The following UCK2 variants were observed in gnomAD, a reference collection of about 807,000 sequenced individuals.
UCK2 encodes the protein cytidine monophosphokinase 2.
In UCK2, 6 loss-of-function variants were observed where a neutral mutation model predicts 30.8. That is an observed-to-expected ratio of 0.19 (90% CI 0.11 to 0.38). The LOEUF (loss-of-function observed/expected upper bound fraction) is 0.38. Ranked by LOEUF, UCK2 falls within the 10% of genes least tolerant of loss-of-function variation. The probability of loss-of-function intolerance (pLI) is 1.00; values close to 1 mark genes in which losing one functional copy is unlikely to be tolerated. For missense variants in UCK2, 210 were observed against 339.8 expected (o/e 0.62, Z 3.00); for synonymous variants, 125 against 133.6 (o/e 0.94, Z 0.45).
At chr1:165,891,572 G>T in intron 3 of UCK2, 1 of 442,544 alleles carries the variant, frequency 2.3e-6, no homozygotes, top group Admixed American at 3.8e-5. Flanking sequence ...CTGAAGGATG[G>T]GATAGTGATT....
chr1:165,867,229 G>T (rs1340536382), intron 1 of UCK2, among the ~76,000 whole-genome samples: 3 of 152,226 alleles, frequency 2.0e-5, no homozygotes, highest in Non-Finnish European at 4.4e-5. Context: ...CCTTCAGCAA[G>T]TTGTAATCTT....
At chr1:165,858,830 A>C (rs376851549) in intron 1 of UCK2, among the ~76,000 whole-genome samples, 6 of 152,174 alleles carry the variant, frequency 3.9e-5, no homozygotes, top group African/African-American at 1.4e-4. Context: ...GTGACAGGGA[A>C]GCCAGGCATT....
intron 1 of UCK2, among the ~76,000 whole-genome samples, chr1:165,840,164 C>T (rs116031251): frequency 9.2e-5 from 14 of 152,378 alleles, no homozygotes; most frequent in African/African-American, 2.4e-4. Context: ...AGTTATCCCC[C>T]GGCATTGGCC....
intron 1 of UCK2, among the ~76,000 whole-genome samples, chr1:165,844,991 G>A (rs1010083180): frequency 6.6e-6 from 1 of 152,120 alleles, no homozygotes; most frequent in Non-Finnish European, 1.5e-5. Flanking sequence ...TTTGAGCTCA[G>A]TGAGCCAAGC....
chr1:165,895,784 A>G (rs528025579), intron 3 of UCK2: 23 of 426,886 alleles, frequency 5.4e-5, no homozygotes, highest in African/African-American at 4.9e-4. Context: ...TTCTGTTTTT[A>G]AAGTTCAGAG....
At chr1:165,851,954 G>A (rs917335749) in intron 1 of UCK2, among the ~76,000 whole-genome samples, 5 of 152,204 alleles carry the variant, frequency 3.3e-5, no homozygotes, top group East Asian at 1.9e-4. Flanking sequence ...TGGAGTATAT[G>A]TACTACATTT....
At chr1:165,868,112 A>G (rs1655093115) in intron 1 of UCK2, among the ~76,000 whole-genome samples, 1 of 152,238 alleles carries the variant, frequency 6.6e-6, no homozygotes, top group Non-Finnish European at 1.5e-5. Context: ...GCTGATGAGC[A>G]GTAATATTTT....
At chr1:165,882,224 T>C (rs1021588151) in intron 1 of UCK2, among the ~76,000 whole-genome samples, 1 of 152,326 alleles carries the variant, frequency 6.6e-6, no homozygotes, top group Admixed American at 6.5e-5. Context: ...CCCTACCCTT[T>C]AAAACTCACA....
chr1:165,899,253 G>A (rs1647378400), intron 4 of UCK2, among the ~76,000 whole-genome samples: 1 of 152,136 alleles, frequency 6.6e-6, no homozygotes, highest in Admixed American at 6.5e-5. Flanking sequence ...TCTCGGGATT[G>A]GTTTCTAGCC....
chr1:165,854,025 C>G (rs1654663832), intron 1 of UCK2, among the ~76,000 whole-genome samples: 1 of 152,218 alleles, frequency 6.6e-6, no homozygotes, highest in African/African-American at 2.4e-5. Context: ...TCAACTAGAT[C>G]TGTGTAGTCA....
chr1:165,829,686 TAATC>T (rs1280771205), intron 1 of UCK2, among the ~76,000 whole-genome samples: 1 of 152,246 alleles, frequency 6.6e-6, no homozygotes, highest in Non-Finnish European at 1.5e-5. Context: ...TCTAACTTGA[TAATC>T]AAGCTTTTGG....
At position 165,896,314 on chromosome 1, in the gene UCK2, AC is replaced by A; in HGVS notation, c.484del (p.Arg162GlyfsTer7). 1 of 1,614,132 alleles carries A rather than the reference AC, an allele frequency of 6.2e-7. No homozygotes were observed. The highest frequency in any genetic ancestry group is 8.5e-7 in the Non-Finnish European group (1 of 1,180,026). On this transcript the variant is annotated frameshift_variant, in exon 4 of 7. Transcript: ENST00000367879. LOFTEE classifies it high-confidence loss of function. ...GCTTTTTGTGGATACAGATGCGGACACCCGGCTCTCACGCAGAGGTGCGTTC... is the reference window on the plus strand; with the variant it reads ...GCTTTTTGTGGATACAGATGCGGACACCGGCTCTCACGCAGAGGTGCGTTC... ...MKLFVDTDAD[T>X]RLSRRVLRDI...
chr1:165,852,821 C>T (rs536378698), intron 1 of UCK2, among the ~76,000 whole-genome samples: 3 of 152,104 alleles, frequency 2.0e-5, no homozygotes, highest in Non-Finnish European at 4.4e-5. Context: ...TGTGGACAAA[C>T]GGTGCAGGGA....
In UCK2 at chr1:165,907,975, T is replaced by A; in HGVS notation, c.*152T>A. ...GCCTTTGATTTTTTTTTTCTTTTTG[T>A]ACTTTGGAACGACAAAATGAAACAG... On this transcript the variant is annotated 3_prime_UTR_variant, in exon 7 of 7. Coordinates refer to ENST00000367879, the MANE Select transcript of UCK2 (RefSeq NM_012474.5). 8.5e-7 allele frequency: 1 copy of A among 1,178,438 alleles called. No homozygotes were observed. The highest frequency in any genetic ancestry group is 1.1e-6 in the Non-Finnish European group (1 of 874,708). 73.0% of individuals were successfully genotyped at this position (1,178,438 alleles called of 1,614,324 possible).
intron 1 of UCK2, among the ~76,000 whole-genome samples, chr1:165,857,007 T>TA (rs1654764515): frequency 6.6e-6 from 1 of 151,900 alleles, no homozygotes; most frequent in Non-Finnish European, 1.5e-5. Flanking sequence ...AGAATGTTTT[T>TA]AGGGGCTTGG....
At chr1:165,835,169 T>A (rs1571262411) in intron 1 of UCK2, among the ~76,000 whole-genome samples, 2 of 152,148 alleles carry the variant, frequency 1.3e-5, no homozygotes, top group Non-Finnish European at 1.5e-5. Context: ...CGCAGGCTTC[T>A]AGTCTCCTAG....
chr1:165,904,048 AATTAT>A lies in UCK2; in HGVS notation c.597+770_597+774del, dbSNP rs1165782368. The A allele has an allele frequency of 3.3e-5, 5 of 152,112 alleles. No homozygotes were observed. The East Asian group carries it at 7.7e-4, about 23-fold the overall frequency. 9.4% of individuals were successfully genotyped at this position (152,112 alleles called of 1,614,324 possible). ...TGGCCAAACCATGGTCTGGCTCCTG[AATTAT>A]TTATAGTTAAGCTCTGAGACCGGGA... On this transcript the variant is annotated intron_variant, in intron 5 of 6. Coordinates refer to ENST00000367879, the MANE Select transcript of UCK2 (RefSeq NM_012474.5).
At chr1:165,882,808 A>G (rs529794960) in intron 1 of UCK2, among the ~76,000 whole-genome samples, 1 of 152,214 alleles carries the variant, frequency 6.6e-6, no homozygotes, top group African/African-American at 2.4e-5. Context: ...GGGGGGACAC[A>G]TTCAGACCTT....
chr1:165,860,164 G>A (rs1654859952), intron 1 of UCK2, among the ~76,000 whole-genome samples: 1 of 152,218 alleles, frequency 6.6e-6, no homozygotes, highest in Admixed American at 6.5e-5. Flanking sequence ...CTCACCCTGT[G>A]TCCCACTGCT....
Sources: gnomAD v4.1 joint callset for allele counts (sites outside exome capture counted in the v4.1 genomes callset) on GRCh38, gnomAD v4.1.1 for gene constraint, MANE v1.5 for transcripts, NCBI Gene and HGNC (gene_info 2026-07-23, HGNC 2026-07-21) for gene names.